NDC1: variants seen among roughly 807,000 people sequenced by gnomAD.
The protein encoded by NDC1 is NDC1 transmembrane nucleoporin.
In NDC1, 24 loss-of-function variants were observed where a neutral mutation model predicts 89.8. That is an observed-to-expected ratio of 0.27 (90% CI 0.19 to 0.38). NDC1 has a LOEUF of 0.38. Among genes scored for constraint, NDC1 ranks in the 10% least tolerant of loss-of-function variants. The pLI is 1.00. For synonymous variants in NDC1, 296 were observed against 284.8 expected, an observed-to-expected ratio of 1.04 and a Z score of -0.39; for missense variants, 728 against 797.6, an observed-to-expected ratio of 0.91 and a Z score of 1.05.
At chr1:53,797,222 A>G (rs1647745591) in intron 11 of NDC1, 78 bp from the exon 12 acceptor site, 1 of 1,451,122 alleles carries the variant, frequency 6.9e-7, no homozygotes. Context: ...AATTCTACAC[A>G]TACCAAATTT....
Position 53,804,003 on chromosome 1 carries a change from C to T in NDC1, c.991G>A (p.Ala331Thr). ...SNPPPIIKYL[A>T]LQDLMLLSQY... ...GAAAGCAACATCAGGTCCTGCAAGG[C>T]TAAATACTAACAGGGGGAAAAAACA... The change falls in exon 10 of 18, where the codon GCC becomes ACC. Residue 331 changes from alanine (A) to threonine (T), a missense_variant. Transcript: ENST00000371429. 6.2e-7 allele frequency: 1 copy of T among 1,612,870 alleles called. No individual in the cohort carries two copies. Among genetic ancestry groups the T allele is most frequent in the South Asian group, 1.1e-5 (1 of 90,998 alleles).
intron 16 of NDC1, among the ~76,000 whole-genome samples, chr1:53,778,247 G>A (rs1026636733): frequency 2.3e-5 from 3 of 129,946 alleles, no homozygotes; most frequent in South Asian, 2.2e-4. Context: ...AGTATATGAT[G>A]TGTGTGTGTA....
chr1:53,800,332 C>CTTTTTT lies in NDC1; in HGVS notation c.1222+355_1222+360dup, dbSNP rs1158363485. ...GTATCCTTCAATTAACTACAGTCAT[C>CTTTTTT]TTTTTTTTTTTTTTTTTTTTTTTTG... On this transcript the variant is annotated intron_variant, in intron 11 of 17. Coordinates refer to ENST00000371429, the MANE Select transcript of NDC1 (RefSeq NM_018087.5). 4.2e-4 allele frequency among the ~76,000 whole-genome samples: 34 copies of CTTTTTT among 80,672 alleles called. 1 individual carries two copies. The highest frequency in any genetic ancestry group is 8.6e-4 in the East Asian group (2 of 2,322). The allele number at this position is 80,672 out of a possible 152,430, so 52.9% of individuals were successfully genotyped here.
At chr1:53,816,659 AC>A (rs1648491696) in intron 6 of NDC1, among the ~76,000 whole-genome samples, 1 of 151,782 alleles carries the variant, frequency 6.6e-6, no homozygotes, top group African/African-American at 2.4e-5. Context: ...AAAAAAAAAA[AC>A]AGCAAAGTAA....
intron 1 of NDC1, among the ~76,000 whole-genome samples, chr1:53,837,571 C>CAAA (rs199801630): frequency 8.1e-6 from 1 of 124,052 alleles, no homozygotes; most frequent in Non-Finnish European, 1.7e-5. Context: ...GCCTCCGGCT[C>CAAA]AAAAAAAAAA....
In NDC1 at chr1:53,767,948, G is replaced by C. The variant is rs756130200; in HGVS notation, c.*22C>G. 6.7e-7 allele frequency: 1 copy of C among 1,502,264 alleles called. No individual in the cohort carries two copies. The highest frequency in any genetic ancestry group is 9.2e-7 in the Non-Finnish European group (1 of 1,088,474). The allele number at this position is 1,502,264 out of a possible 1,614,324, so 93.1% of individuals were successfully genotyped here. ...TCTGTAGTTGTATCAGCAGTGTAAT[G>C]AACACAGTTTATATTACTTAACTAT... On this transcript the variant is annotated 3_prime_UTR_variant, in exon 18 of 18. Transcript: ENST00000371429.
intron 13 of NDC1, among the ~76,000 whole-genome samples, chr1:53,796,109 T>G (rs1647688149): frequency 6.6e-6 from 1 of 152,218 alleles, no homozygotes; most frequent in Non-Finnish European, 1.5e-5. Context: ...AGACTTCCCC[T>G]TATCACTCCA....
At chr1:53,802,317 T>A (rs1186572626) in intron 10 of NDC1, among the ~76,000 whole-genome samples, 1 of 152,072 alleles carries the variant, frequency 6.6e-6, no homozygotes, top group Admixed American at 6.6e-5. Flanking sequence ...TATTATCTGG[T>A]ATTTTATCTG....
chr1:53,838,057 A>T (rs1178041664), intron 1 of NDC1, 148 bp downstream of exon 1: 2 of 702,858 alleles, frequency 2.8e-6, no homozygotes, highest in Non-Finnish European at 4.7e-6. Flanking sequence ...ACAACCCTGC[A>T]ATCAGTCCCC....
chr1:53,787,843 C>T (rs114543960), intron 15 of NDC1, among the ~76,000 whole-genome samples: 1,985 of 136,458 alleles, frequency 0.015, 54 homozygotes, highest in African/African-American at 0.052. Context: ...TATAGTGTTG[C>T]GTAATAATAT....
intron 5 of NDC1, among the ~76,000 whole-genome samples, chr1:53,824,288 G>GA (rs1348074395): frequency 6.7e-6 from 1 of 150,088 alleles, no homozygotes; most frequent in African/African-American, 2.5e-5. Context: ...GAGAGAGAGA[G>GA]ACACGGTCTA....
chr1:53,783,539 C>G (rs1647237594), intron 16 of NDC1, among the ~76,000 whole-genome samples: 1 of 152,134 alleles, frequency 6.6e-6, no homozygotes, highest in African/African-American at 2.4e-5. Flanking sequence ...AATCCAACTC[C>G]CCTGTTTCTA....
At chr1:53,822,881 G>T (rs1446157635) in intron 5 of NDC1, among the ~76,000 whole-genome samples, 1 of 151,960 alleles carries the variant, frequency 6.6e-6, no homozygotes, top group Non-Finnish European at 1.5e-5. Flanking sequence ...ATCACATCGC[G>T]CTCTATAGAG....
chr1:53,808,645 A>T (rs1348465316), intron 7 of NDC1, among the ~76,000 whole-genome samples: 6 of 152,216 alleles, frequency 3.9e-5, no homozygotes, highest in Non-Finnish European at 8.8e-5. Context: ...GCACTCAGCC[A>T]TATACACAAA....
chr1:53,832,619 A>AAG, intron 2 of NDC1, 28 bp from the exon 3 acceptor site: 2 of 1,195,806 alleles, frequency 1.7e-6, no homozygotes, highest in Non-Finnish European at 1.2e-6. Context: ...TGAATTAGTA[A>AAG]AGGTTATTCA....
intron 6 of NDC1, among the ~76,000 whole-genome samples, chr1:53,810,341 C>A (rs529018095): frequency 6.6e-6 from 1 of 151,860 alleles, no homozygotes; most frequent in East Asian, 1.9e-4. Context: ...TTGCGCATGA[C>A]CCCTGCGCAA....
intron 5 of NDC1, 118 bp downstream of exon 5, chr1:53,825,680 T>G: frequency 1.2e-6 from 1 of 838,424 alleles, no homozygotes; most frequent in Non-Finnish European, 1.8e-6. Flanking sequence ...GGATTTCAGT[T>G]CTAAGTGTTG....
At position 53,819,975 on chromosome 1, in the gene NDC1, T is replaced by C. The variant is rs1441267417; in HGVS notation, c.595-896A>G. 2.0e-5 allele frequency among the ~76,000 whole-genome samples: 3 copies of C among 151,572 alleles called. No individual in the cohort carries two copies. The East Asian group carries it at 5.8e-4, about 29-fold the overall frequency. On this transcript the variant is annotated intron_variant, in intron 5 of 17. Transcript: ENST00000371429. ...AAAAAGAAAAGAAAAGAAAAAGGGC[T>C]GGGTGCGGTGGCTCACACCTGTAAT...
intron 2 of NDC1, among the ~76,000 whole-genome samples, chr1:53,834,463 C>T (rs183687772): frequency 9.8e-5 from 15 of 152,304 alleles, no homozygotes; most frequent in Admixed American, 7.2e-4. Flanking sequence ...ACCAATATCT[C>T]CAAAGGTCAT....
Sources: gnomAD v4.1 joint callset for allele counts (sites outside exome capture counted in the v4.1 genomes callset) on GRCh38, gnomAD v4.1.1 for gene constraint, MANE v1.5 for transcripts, NCBI Gene and HGNC (gene_info 2026-07-23, HGNC 2026-07-21) for gene names.